Variants in ADAM12 observed in about 807,000 individuals in gnomAD.
ADAM12 encodes the protein ADAM metallopeptidase domain 12.
A neutral mutation model predicts 106.4 loss-of-function variants in ADAM12; 70 were observed. The ratio of observed to expected loss-of-function variants is 0.66; its 90% confidence interval spans 0.54 to 0.80. The LOEUF is 0.80. Among genes scored for constraint, ADAM12 ranks in the 30% least tolerant of loss-of-function variants. ADAM12 has a pLI of 0.00. For missense variants in ADAM12, 1,010 were observed against 1,171.9 expected (o/e 0.86, Z 2.02); for synonymous variants, 420 against 433.5 (o/e 0.97, Z 0.39).
At chr10:126,259,596 T>C (rs1230235262) in intron 3 of ADAM12, among the ~76,000 whole-genome samples, 2 of 152,234 alleles carry the variant, frequency 1.3e-5, no homozygotes, top group Non-Finnish European at 2.9e-5. Flanking sequence ...TATTTGATAC[T>C]TAGGTGGGAA....
At chr10:126,190,599 G>C (rs1957481181) in intron 3 of ADAM12, among the ~76,000 whole-genome samples, 1 of 152,298 alleles carries the variant, frequency 6.6e-6, no homozygotes, top group East Asian at 1.9e-4. Context: ...CCTTTGGGAG[G>C]TTCAAAGTCT....
intron 3 of ADAM12, among the ~76,000 whole-genome samples, chr10:126,200,032 C>G (rs1251791893): frequency 2.0e-5 from 3 of 152,188 alleles, no homozygotes; most frequent in Non-Finnish European, 4.4e-5. Flanking sequence ...GTGACTTACA[C>G]ACTAGTTACC....
At chr10:126,228,536 A>T (rs1261008829) in intron 3 of ADAM12, among the ~76,000 whole-genome samples, 2 of 152,242 alleles carry the variant, frequency 1.3e-5, no homozygotes, top group African/African-American at 4.8e-5. Context: ...AATAGAAAAC[A>T]TCCTACTCAT....
intron 3 of ADAM12, among the ~76,000 whole-genome samples, chr10:126,273,904 C>G (rs1381757598): frequency 6.6e-6 from 1 of 152,142 alleles, no homozygotes; most frequent in African/African-American, 2.4e-5. Context: ...GTGGGCAGAT[C>G]GCTGGAGGCC....
At chr10:126,312,131 G>GGAA (rs1564725771) in intron 2 of ADAM12, among the ~76,000 whole-genome samples, 6 of 123,980 alleles carry the variant, frequency 4.8e-5, no homozygotes, top group Non-Finnish European at 4.9e-5. Context: ...GGTTGGTGTG[G>GGAA]AAAAAAAAAA....
intron 1 of ADAM12, among the ~76,000 whole-genome samples, chr10:126,341,819 T>C (rs1282550629): frequency 6.6e-6 from 1 of 152,180 alleles, no homozygotes; most frequent in Non-Finnish European, 1.5e-5. Flanking sequence ...AGGGTGATGA[T>C]TTGAATTTGA....
intron 4 of ADAM12, among the ~76,000 whole-genome samples, chr10:126,152,812 TA>T (rs769001252): frequency 4.6e-4 from 70 of 152,322 alleles, no homozygotes; most frequent in Middle Eastern, 3.4e-3. Flanking sequence ...TTCTACTCTT[TA>T]AATAGTTATA....
intron 3 of ADAM12, among the ~76,000 whole-genome samples, chr10:126,256,632 G>A (rs761943045): frequency 1.6e-4 from 25 of 151,960 alleles, no homozygotes; most frequent in Non-Finnish European, 2.1e-4. Context: ...ACAAATCCAG[G>A]AGTCTACTTC....
rs372825649 is a variant in ADAM12 at position 126,036,213 on chromosome 10, C to A, written c.2462G>T (p.Arg821Leu). ...AGGGACGCTAGGTGCACGTGGAGCC[C>A]GGTGGAGGGGAGGAAGCACTCGCTG... Reference protein sequence around the residue: ...STQRVLPPLHRAPRAPSVPAR... With the variant: ...STQRVLPPLHLAPRAPSVPAR... The change falls in exon 21 of 23, where the codon CGG (arginine) becomes CTG (leucine). Residue 821 changes from arginine to leucine, a missense_variant. By Grantham distance (102) the Arg-to-Leu change is moderately radical. Transcript: ENST00000448723. 6.5e-7 allele frequency: 1 copy of A among 1,549,706 alleles called. No homozygotes were observed. Among genetic ancestry groups the A allele is most frequent in the Middle Eastern group, 2.0e-4 (1 of 4,968 alleles).
At chr10:126,185,040 G>A (rs1458351384) in intron 3 of ADAM12, among the ~76,000 whole-genome samples, 2 of 152,184 alleles carry the variant, frequency 1.3e-5, no homozygotes, top group African/African-American at 2.4e-5. Context: ...ATGAAAGCAC[G>A]GGTTGGAGTT....
In ADAM12 at chr10:126,310,982, G is replaced by A. The variant is rs139967576; in HGVS notation, c.186+19430C>T. ...TTAGGGAATGCCAGTCTTCATTAAG[G>A]GTCGTTGCAGGGAAAATCTCTAGGA... On this transcript the variant is annotated intron_variant, in intron 2 of 22. Coordinates refer to ENST00000448723, the MANE Select transcript of ADAM12 (RefSeq NM_001288973.2). Among the ~76,000 whole-genome samples the A allele has an allele frequency of 2.6e-3, 403 of 152,144 alleles. 9 individuals carry two copies. The South Asian group carries it at 0.052, about 20-fold the overall frequency.
At chr10:126,034,553 CTT>C (rs1406828553) in intron 21 of ADAM12, among the ~76,000 whole-genome samples, 1 of 152,098 alleles carries the variant, frequency 6.6e-6, no homozygotes, top group Non-Finnish European at 1.5e-5. Flanking sequence ...ACATGGTAGA[CTT>C]AAATCCAAAC....
At chr10:126,061,756 G>A (rs1954760034) in intron 14 of ADAM12, among the ~76,000 whole-genome samples, 1 of 152,146 alleles carries the variant, frequency 6.6e-6, no homozygotes, top group Admixed American at 6.5e-5. Context: ...AGTTGGGAAA[G>A]GCAAGGAAAC....
chr10:126,042,795 C>G (rs1306614095), intron 18 of ADAM12, among the ~76,000 whole-genome samples: 1 of 152,216 alleles, frequency 6.6e-6, no homozygotes, highest in South Asian at 2.1e-4. Flanking sequence ...AGAAAAGTGT[C>G]GCAGGCTAAG....
intron 14 of ADAM12, among the ~76,000 whole-genome samples, chr10:126,050,543 G>A (rs1446505520): frequency 2.0e-5 from 3 of 152,066 alleles, no homozygotes; most frequent in Admixed American, 1.3e-4. Context: ...ATCTCACATC[G>A]CTTCTGATGG....
intron 14 of ADAM12, among the ~76,000 whole-genome samples, chr10:126,052,575 G>A (rs4962318): frequency 0.12 from 18,892 of 152,170 alleles, 1,277 homozygotes; most frequent in Middle Eastern, 0.28. Context: ...TTTCAGACAC[G>A]TGAGCTTACA....
rs115386251 is a variant in ADAM12, at chr10:126,061,699, A to G, written c.1609+3107T>C. ...GCAGATGCTGTGCTGTTGGCCTCGA[A>G]GATGGAGGAAGGGGCCATGAGCCAA... On this transcript the variant is annotated intron_variant, in intron 14 of 22. Coordinates refer to ENST00000448723, the MANE Select transcript of ADAM12 (RefSeq NM_001288973.2). Among the ~76,000 whole-genome samples, 1,296 of 152,270 alleles carry G rather than the reference A, an allele frequency of 8.5e-3. 21 individuals are homozygous for G. The highest frequency in any genetic ancestry group is 0.03 in the African/African-American group (1,231 of 41,536).
intron 1 of ADAM12, among the ~76,000 whole-genome samples, chr10:126,382,433 G>A (rs1167177910): frequency 6.6e-6 from 1 of 152,212 alleles, no homozygotes; most frequent in African/African-American, 2.4e-5. Flanking sequence ...AACAATACAA[G>A]CATACTTAAC....
intron 2 of ADAM12, among the ~76,000 whole-genome samples, chr10:126,308,481 A>G (rs904956230): frequency 2.0e-5 from 3 of 152,184 alleles, no homozygotes; most frequent in African/African-American, 7.2e-5. Context: ...AACTTTCAAC[A>G]CAAGTCTTTT....
Sources: allele counts gnomAD v4.1 joint callset (sites outside exome capture counted in the v4.1 genomes callset), GRCh38; gene constraint gnomAD v4.1.1; transcripts MANE v1.5; gene names NCBI Gene and HGNC (gene_info 2026-07-23, HGNC 2026-07-21).